The following VSTM2B variants were observed in gnomAD, a reference collection of about 807,000 sequenced individuals.
VSTM2B encodes the protein V-set and transmembrane domain-containing protein 2B.
In VSTM2B, 24 loss-of-function variants were observed where a neutral mutation model predicts 24.0. The ratio of observed to expected loss-of-function variants is 1.00; its 90% CI spans 0.72 to 1.40. The LOEUF (loss-of-function observed/expected upper bound fraction) is 1.40, where lower values mean the gene tolerates loss of function less well. VSTM2B is among the 40% of genes most tolerant of loss of function. The pLI, the probability that VSTM2B is intolerant of heterozygous loss-of-function variation, is 0.00. For missense variants in VSTM2B, 399 were observed against 416.4 expected (o/e 0.96, Z 0.36); for synonymous variants, 226 against 194.4 (o/e 1.16, Z -1.35).
intron 3 of VSTM2B, chr19:29,528,906 C>T (rs1453997698): frequency 1.0e-6 from 1 of 985,248 alleles, no homozygotes; most frequent in Non-Finnish European, 1.2e-6. Flanking sequence ...CTTTATCCTC[C>T]GCCTGGATTG....
At chr19:29,540,494 C>A (rs1204629286) in intron 4 of VSTM2B, among the ~76,000 whole-genome samples, 1 of 152,236 alleles carries the variant, frequency 6.6e-6, no homozygotes, top group East Asian at 1.9e-4. Flanking sequence ...ATGTGCCTTG[C>A]TGCTGCCTCA....
Position 29,556,247 on chromosome 19 carries a change from A to G in VSTM2B, c.770-7599A>G, listed in dbSNP as rs146348698. ...CAAGTCAGCTTCAGTCCTGGGATGC[A>G]CAAAACATAATTCTAAACAGAACGA... On this transcript the variant is annotated intron_variant, in intron 4 of 4. Transcript: ENST00000335523. Among the ~76,000 whole-genome samples the G allele has an allele frequency of 6.8e-3, 1,028 of 151,994 alleles. 7 individuals carry two copies. Among genetic ancestry groups the G allele is most frequent in the Middle Eastern group, 0.02 (6 of 294 alleles).
chr19:29,527,081 G>T, intron 1 of VSTM2B, 130 bp from the exon 2 acceptor site: 1 of 827,218 alleles, frequency 1.2e-6, no homozygotes, highest in Non-Finnish European at 1.8e-6. Flanking sequence ...CCCTCCGGCC[G>T]TGCGCCAGGG....
In VSTM2B at chr19:29,563,790, C is replaced by G. The variant is rs374732056; in HGVS notation, c.770-56C>G. The G allele has an allele frequency of 4.1e-6, 6 of 1,477,158 alleles. No individual in the cohort carries two copies. The African/African-American group carries it at 5.6e-5, about 14-fold the overall frequency. 91.5% of individuals were successfully genotyped at this position (1,477,158 alleles called of 1,614,324 possible). On this transcript the variant is annotated intron_variant, in intron 4 of 4. Transcript: ENST00000335523. ...CTCACTGTTCCTGGTCTGCTGTGAG[C>G]TCCTAGGTTCTTGAGACTCAGGTGT...
At chr19:29,534,066 T>TG (rs1392763937) in intron 4 of VSTM2B, among the ~76,000 whole-genome samples, 4 of 152,056 alleles carry the variant, frequency 2.6e-5, no homozygotes, top group Admixed American at 6.5e-5. Context: ...ACAGGGTCAC[T>TG]GGGGGGGATG....
In VSTM2B at chr19:29,530,272, C is replaced by A. The variant is rs1052632202; in HGVS notation, c.751C>A (p.Arg251Ser). The change falls in exon 4 of 5, where the codon CGC becomes AGC. Residue 251 changes from arginine (R) to serine (S), a missense_variant. Transcript: ENST00000335523. ...GCCATCGGGACAGGCGGTCCTGCTG[C>A]GCCAGAGGCACGGCTCGGGTAAGGG... ...SPPSGQAVLL[R>S]QRHGSGTGRS... The A allele has an allele frequency of 1.5e-5, 23 of 1,501,464 alleles. No individual in the cohort carries two copies. The highest frequency in any genetic ancestry group is 4.9e-5 in the South Asian group (4 of 80,924). The allele number at this position is 1,501,464 out of a possible 1,614,324, so 93.0% of individuals were successfully genotyped here.
intron 4 of VSTM2B, among the ~76,000 whole-genome samples, chr19:29,535,146 C>T (rs1969858301): frequency 6.6e-6 from 1 of 152,192 alleles, no homozygotes; most frequent in Non-Finnish European, 1.5e-5. Context: ...AGGCTGGGCC[C>T]CGTCTTAGCT....
chr19:29,557,880 C>A (rs952900953), intron 4 of VSTM2B, among the ~76,000 whole-genome samples: 9 of 152,088 alleles, frequency 5.9e-5, no homozygotes, highest in African/African-American at 1.9e-4. Context: ...AGCTTCTGTG[C>A]AGCAAAAGAA....
intron 4 of VSTM2B, among the ~76,000 whole-genome samples, chr19:29,561,714 C>T (rs576773776): frequency 9.8e-5 from 15 of 152,292 alleles, no homozygotes; most frequent in African/African-American, 3.6e-4. Context: ...GGAGGCAGTA[C>T]CCTGCTCTCC....
chr19:29,531,148 A>G (rs1202457628), intron 4 of VSTM2B, among the ~76,000 whole-genome samples: 1 of 151,982 alleles, frequency 6.6e-6, no homozygotes, highest in East Asian at 1.9e-4. Context: ...AGGCTTGCCC[A>G]GTGTGCCCCT....
rs1285553105 is a variant in VSTM2B at position 29,526,895 on chromosome 19, G to C, written c.82+230G>C. On this transcript the variant is annotated intron_variant, in intron 1 of 4. Coordinates refer to ENST00000335523, the MANE Select transcript of VSTM2B (RefSeq NM_001146339.2). This position sits in a 1 kb window ranked among gnomAD's most constrained non-coding sequence, Gnocchi z 4.1. ...CCGCCGGGGCCCCGGCTGCGGAAAG[G>C]ATGCCTGCGGGGAGCGGGAGTAGGC... is the stretch of plus-strand genomic sequence containing the variant. 2 of 487,358 alleles carry C rather than the reference G, an allele frequency of 4.1e-6. No homozygotes were observed. Among genetic ancestry groups the C allele is most frequent in the African/African-American group, 4.1e-5 (2 of 48,806 alleles). 30.2% of individuals were successfully genotyped at this position (487,358 alleles called of 1,614,324 possible).
intron 4 of VSTM2B, among the ~76,000 whole-genome samples, chr19:29,556,513 A>AG (rs1266889027): frequency 6.6e-6 from 1 of 152,176 alleles, no homozygotes; most frequent in Non-Finnish European, 1.5e-5. Context: ...TATTCACCAT[A>AG]GTGTTGGAGG....
chr19:29,555,997 C>A (rs994043363), intron 4 of VSTM2B, among the ~76,000 whole-genome samples: 6 of 151,986 alleles, frequency 3.9e-5, no homozygotes, highest in African/African-American at 1.4e-4. Context: ...GAGCTGTTAC[C>A]ATTTCTTCTT....
chr19:29,529,714 C>T (rs1323672804), intron 3 of VSTM2B, 105 bp from the exon 4 acceptor site: 1 of 1,142,998 alleles, frequency 8.7e-7, no homozygotes, highest in Non-Finnish European at 1.3e-6. Context: ...AACCAGGATC[C>T]GGGAAGTGTT....
chr19:29,554,826 C>T (rs572819250), intron 4 of VSTM2B, among the ~76,000 whole-genome samples: 15 of 152,258 alleles, frequency 9.9e-5, no homozygotes, highest in African/African-American at 3.6e-4. Context: ...AAGGGCATTA[C>T]ATAATGATAA....
At position 29,527,380 on chromosome 19, in the gene VSTM2B, G is replaced by C. The variant is rs1425217006; in HGVS notation, c.252G>C (p.Pro84=). The change falls in exon 2 of 5, where the codon CCG becomes CCC. Residue 84 remains proline, a synonymous_variant. Coordinates refer to ENST00000335523, the MANE Select transcript of VSTM2B (RefSeq NM_001146339.2). ...TGCACGAGCTGGCGCTCAGCGTGCCGGGCGCCCGGAGCAAGGTAACCCGCC... is the reference window on the plus strand; with the variant it reads ...TGCACGAGCTGGCGCTCAGCGTGCCCGGCGCCCGGAGCAAGGTAACCCGCC... The part of the protein sequence containing the change: ...ELLHELALSV[P]GARSKVTNKD... 6 of 1,539,362 alleles carry C rather than the reference G, an allele frequency of 3.9e-6. No homozygotes were observed. The highest frequency in any genetic ancestry group is 5.2e-6 in the Non-Finnish European group (6 of 1,143,800).
intron 4 of VSTM2B, among the ~76,000 whole-genome samples, chr19:29,531,188 C>T (rs1969750694): frequency 6.6e-6 from 1 of 152,154 alleles, no homozygotes; most frequent in Non-Finnish European, 1.5e-5. Flanking sequence ...CTCTCTCCCC[C>T]TGCTCCAAGC....
intron 4 of VSTM2B, among the ~76,000 whole-genome samples, chr19:29,545,137 G>A (rs1377941935): frequency 6.6e-6 from 1 of 152,122 alleles, no homozygotes; most frequent in Non-Finnish European, 1.5e-5. Context: ...ATGGTCTGAG[G>A]AGGACGGAAA....
chr19:29,534,839 A>G (rs1969850634), intron 4 of VSTM2B, among the ~76,000 whole-genome samples: 1 of 152,106 alleles, frequency 6.6e-6, no homozygotes, highest in Admixed American at 6.5e-5. Context: ...CCATTAAGCG[A>G]TCGTTCCTGG....
Sources: gnomAD v4.1 joint callset for allele counts (sites outside exome capture counted in the v4.1 genomes callset) on GRCh38, gnomAD v4.1.1 for gene constraint, Gnocchi (gnomAD v3.1) non-coding constraint, MANE v1.5 for transcripts, NCBI Gene and HGNC (gene_info 2026-07-23, HGNC 2026-07-21) for gene names.